MRPS27: variants seen among roughly 807,000 people sequenced by gnomAD.
MRPS27 encodes the protein small ribosomal subunit protein mS27.
Under a neutral mutation model 48.9 loss-of-function variants are expected in MRPS27, and 43 were observed. The observed-to-expected ratio is 0.88, with a 90% CI of 0.69 to 1.13. The LOEUF (loss-of-function observed/expected upper bound fraction) is 1.13, where lower values mean the gene tolerates loss of function less well. Ranked by LOEUF, MRPS27 falls within the 50% of genes most tolerant of loss-of-function variation. The pLI is 0.00. For synonymous variants in MRPS27, 188 were observed against 171.9 expected, an observed-to-expected ratio of 1.09 and a Z score of -0.73; for missense variants, 467 against 476.3, an observed-to-expected ratio of 0.98 and a Z score of 0.18.
chr5:72,243,023 A>G lies in MRPS27; in HGVS notation c.282-4895T>C, dbSNP rs368124867. On this transcript the variant is annotated intron_variant, in intron 4 of 10. Transcript: ENST00000261413. ...AGAGCCACCAGCCCTAAACACACAC[A>G]TGCAGCTTTCCCTCCGCCCCAGTGA... Among the ~76,000 whole-genome samples the G allele has an allele frequency of 1.2e-3, 185 of 152,318 alleles. 1 individual carries two copies. In the South Asian group the frequency reaches 0.036, roughly 30 times the overall value.
chr5:72,317,862 C>T (rs183059683), intron 1 of MRPS27, among the ~76,000 whole-genome samples: 1 of 152,252 alleles, frequency 6.6e-6, no homozygotes. Flanking sequence ...GCAGAAGTCT[C>T]TTACATAAAA....
At position 72,223,844 on chromosome 5, in the gene MRPS27, C is replaced by T. The variant is rs1190529285; in HGVS notation, c.844G>A (p.Val282Met). The T allele has an allele frequency of 1.2e-6, 2 of 1,613,378 alleles. No homozygotes were observed. The highest frequency in any genetic ancestry group is 1.7e-6 in the Non-Finnish European group (2 of 1,179,660). The change falls in exon 10 of 11, where the codon GTG becomes ATG. Residue 282 changes from valine (V) to methionine (M), a missense_variant. Coordinates refer to ENST00000261413, the MANE Select transcript of MRPS27 (RefSeq NM_015084.3). ...AGAGCCTTCAGCACTGCACCCAGCA[C>T]ATCGAGCTGTGGAGCAGAAAGAGGG... ...DIKLCREALD[V>M]LGAVLKALTS...
At chr5:72,276,111 A>AAAAAC (rs1749368439) in intron 4 of MRPS27, among the ~76,000 whole-genome samples, 2 of 152,154 alleles carry the variant, frequency 1.3e-5, no homozygotes, top group Non-Finnish European at 2.9e-5. Context: ...ACATTAAGTA[A>AAAAAC]AAAACAAAAC....
chr5:72,269,981 T>C (rs1749194212), intron 4 of MRPS27, among the ~76,000 whole-genome samples: 1 of 151,984 alleles, frequency 6.6e-6, no homozygotes, highest in Non-Finnish European at 1.5e-5. Flanking sequence ...TCACCTAAGG[T>C]CTGGAGTTTG....
At position 72,219,947 on chromosome 5, in the gene MRPS27, T is replaced by G. The variant is rs1466938404; in HGVS notation, c.*962A>C. ...AAGCTTCATGCTAGAGCTAGCTTTC[T>G]CCTCAGAAACTTACATCCTAAAAAC... On this transcript the variant is annotated 3_prime_UTR_variant, in exon 11 of 11. Coordinates refer to ENST00000261413, the MANE Select transcript of MRPS27 (RefSeq NM_015084.3). The G allele has an allele frequency of 6.6e-6, 1 of 152,662 alleles. No individual in the cohort carries two copies. Among genetic ancestry groups the G allele is most frequent in the Non-Finnish European group, 1.5e-5 (1 of 68,028 alleles). 9.5% of individuals were successfully genotyped at this position (152,662 alleles called of 1,614,324 possible). A position where few individuals can be genotyped will look rare whatever the true frequency, so the allele number is the denominator to read the frequency against.
At chr5:72,311,488 G>T (rs763002961) in intron 2 of MRPS27, among the ~76,000 whole-genome samples, 4 of 152,162 alleles carry the variant, frequency 2.6e-5, no homozygotes, top group Non-Finnish European at 5.9e-5. Context: ...GGATCATAAG[G>T]GCTCTCCTCT....
In MRPS27 at chr5:72,239,814, G is replaced by A. The variant is rs537104103; in HGVS notation, c.282-1686C>T. 2.6e-5 allele frequency among the ~76,000 whole-genome samples: 4 copies of A among 152,228 alleles called. No homozygotes were observed. In the East Asian group the frequency reaches 5.8e-4, roughly 22 times the overall value. ...TCCTCCTAAGCCTCTCGAGTAGCTG[G>A]GAGTATAGGTGCATGCCACTATGCT... On this transcript the variant is annotated intron_variant, in intron 4 of 10. Transcript: ENST00000261413.
intron 4 of MRPS27, among the ~76,000 whole-genome samples, chr5:72,283,672 C>A (rs1749587974): frequency 6.6e-6 from 1 of 151,804 alleles, no homozygotes; most frequent in African/African-American, 2.4e-5. Context: ...TCAAACAGTC[C>A]AAGTATGGTC....
intron 4 of MRPS27, among the ~76,000 whole-genome samples, chr5:72,287,140 C>T (rs1313724911): frequency 1.3e-5 from 2 of 151,932 alleles, no homozygotes; most frequent in East Asian, 1.9e-4. Context: ...GTTGCATGCT[C>T]CTTATGAGAA....
chr5:72,287,311 TA>T (rs928574348), intron 4 of MRPS27, among the ~76,000 whole-genome samples: 28 of 145,336 alleles, frequency 1.9e-4, no homozygotes, highest in Non-Finnish European at 2.6e-4. Context: ...CACAATCCAT[TA>T]AAAAAAAAAA....
Position 72,306,195 on chromosome 5 carries a change from G to A in MRPS27, c.151+7886C>T, listed in dbSNP as rs1054930588. ...CAGGGTAAGTAAACTGTTGATGAAT[G>A]GAAGTTCTGTCATAAAAATTTCCTA... On this transcript the variant is annotated intron_variant, in intron 2 of 10. Coordinates refer to ENST00000261413, the MANE Select transcript of MRPS27 (RefSeq NM_015084.3). Among the ~76,000 whole-genome samples, 3 of 152,126 alleles carry A rather than the reference G, an allele frequency of 2.0e-5. No individual in the cohort carries two copies. In the East Asian group the frequency reaches 5.8e-4, roughly 29 times the overall value.
At chr5:72,248,499 G>C (rs1394122111) in intron 4 of MRPS27, among the ~76,000 whole-genome samples, 1 of 151,996 alleles carries the variant, frequency 6.6e-6, no homozygotes, top group Non-Finnish European at 1.5e-5. Flanking sequence ...TTTACTGCCT[G>C]AGAAAATTTA....
chr5:72,226,242 C>T (rs1287537185), intron 8 of MRPS27, 43 bp from the exon 9 acceptor site: 1 of 1,609,506 alleles, frequency 6.2e-7, no homozygotes, highest in South Asian at 1.1e-5. Flanking sequence ...GCCATGTCTT[C>T]CCACCATTTC....
At chr5:72,319,767 G>C (rs928899204) in intron 1 of MRPS27, among the ~76,000 whole-genome samples, 2 of 152,006 alleles carry the variant, frequency 1.3e-5, no homozygotes, top group Non-Finnish European at 2.9e-5. Flanking sequence ...GGCTGGTCTC[G>C]AACTCCTGGC....
At chr5:72,312,080 C>T (rs976410635) in intron 2 of MRPS27, among the ~76,000 whole-genome samples, 1 of 152,062 alleles carries the variant, frequency 6.6e-6, no homozygotes, top group Non-Finnish European at 1.5e-5. Flanking sequence ...TGCAGTGAGC[C>T]GAGATGACGC....
At chr5:72,285,933 C>T (rs945926639) in intron 4 of MRPS27, among the ~76,000 whole-genome samples, 2 of 152,154 alleles carry the variant, frequency 1.3e-5, no homozygotes, top group Non-Finnish European at 2.9e-5. Context: ...TAAAATTTCC[C>T]GTATAAACAG....
intron 4 of MRPS27, among the ~76,000 whole-genome samples, chr5:72,260,390 A>G (rs866790181): frequency 6.6e-6 from 1 of 152,186 alleles, no homozygotes; most frequent in Non-Finnish European, 1.5e-5. Flanking sequence ...TTCCTAGGTT[A>G]TATTTTCTGT....
intron 4 of MRPS27, among the ~76,000 whole-genome samples, chr5:72,271,503 C>T (rs147611068): frequency 4.1e-4 from 63 of 152,196 alleles, no homozygotes; most frequent in African/African-American, 1.4e-3. Flanking sequence ...CCGTTCATGT[C>T]AAGAAACACT....
chr5:72,222,277 CTAAACT>C (rs1747764677), intron 10 of MRPS27, among the ~76,000 whole-genome samples: 2 of 152,222 alleles, frequency 1.3e-5, no homozygotes, highest in Non-Finnish European at 2.9e-5. Flanking sequence ...AGAATGAGGA[CTAAACT>C]ACGAGTTGGC....
Sources: allele counts gnomAD v4.1 joint callset (sites outside exome capture counted in the v4.1 genomes callset), GRCh38; gene constraint gnomAD v4.1.1; transcripts MANE v1.5; gene names NCBI Gene and HGNC (gene_info 2026-07-23, HGNC 2026-07-21).